The following KLRG1 variants were observed in gnomAD, a reference collection of about 807,000 sequenced individuals.
KLRG1 encodes the protein killer cell lectin like receptor G1.
A neutral mutation model predicts 21.8 loss-of-function variants in KLRG1; 16 were observed. The observed-to-expected ratio is 0.73, with a 90% CI of 0.50 to 1.11. The LOEUF is 1.11. KLRG1 is among the 50% of genes most tolerant of loss of function. The pLI, the probability that KLRG1 is intolerant of heterozygous loss-of-function variation, is 0.00. For synonymous variants in KLRG1, 69 were observed against 75.9 expected (o/e 0.91, Z 0.47); for missense variants, 173 against 218.3 (o/e 0.79, Z 1.31).
chr12:9,169,357 T>C, the KLRG1 span: 1 of 1,353,010 alleles, frequency 7.4e-7, no homozygotes, highest in South Asian at 1.5e-5. Context: ...ACTAAGATTA[T>C]GAATAGATAC....
chr12:9,107,918 A>C, the KLRG1 span, among the ~76,000 whole-genome samples: 1 of 151,656 alleles, frequency 6.6e-6, no homozygotes, highest in African/African-American at 2.4e-5. Context: ...TTATTATAAA[A>C]CTTAAACCCG....
the KLRG1 span, among the ~76,000 whole-genome samples, chr12:9,111,074 A>T: frequency 6.6e-6 from 1 of 152,188 alleles, no homozygotes; most frequent in Non-Finnish European, 1.5e-5. Flanking sequence ...ATGAGGAGGA[A>T]TGGACATATT....
chr12:9,120,042 C>T, the KLRG1 span, among the ~76,000 whole-genome samples: 1 of 152,166 alleles, frequency 6.6e-6, no homozygotes, highest in Non-Finnish European at 1.5e-5. Flanking sequence ...TCTGTGGTCT[C>T]ACCTTAATGG....
chr12:9,015,352 C>G (rs1947685047), downstream of KLRG1, among the ~76,000 whole-genome samples: 1 of 152,056 alleles, frequency 6.6e-6, no homozygotes, highest in Non-Finnish European at 1.5e-5. Context: ...AAGAGCAGGA[C>G]TGGCTCTATT....
At chr12:8,958,038 A>G (rs1053847352) in intron 1 of KLRG1, among the ~76,000 whole-genome samples, 3 of 152,058 alleles carry the variant, frequency 2.0e-5, no homozygotes, top group African/African-American at 7.2e-5. Flanking sequence ...AAGAAGCCTT[A>G]TAGTTTTATG....
the KLRG1 span, among the ~76,000 whole-genome samples, chr12:9,054,519 C>T: frequency 6.6e-6 from 1 of 151,940 alleles, no homozygotes; most frequent in Non-Finnish European, 1.5e-5. Context: ...GTAATGATCA[C>T]TTATAATTGG....
chr12:9,010,108 C>A lies in KLRG1; in HGVS notation c.*571C>A. 8.5e-7 allele frequency: 1 copy of A among 1,175,148 alleles called. No individual in the cohort carries two copies. Among genetic ancestry groups the A allele is most frequent in the Non-Finnish European group, 1.2e-6 (1 of 823,680 alleles). The allele number at this position is 1,175,148 out of a possible 1,614,324, so 72.8% of individuals were successfully genotyped here. ...AGCTGAGGTGGGAGGGTCGCTTGAG[C>A]CCAGGAGTTTGAGGCTGCAGTGAGC... On this transcript the variant is annotated 3_prime_UTR_variant, in exon 5 of 5. Coordinates refer to ENST00000356986, the MANE Select transcript of KLRG1 (RefSeq NM_005810.4).
At chr12:9,065,634 G>C in the KLRG1 span, among the ~76,000 whole-genome samples, 1 of 152,220 alleles carries the variant, frequency 6.6e-6, no homozygotes. Context: ...AACAGCCTGG[G>C]AGCAGGAGGC....
At chr12:9,110,062 A>T in the KLRG1 span, 1 of 1,587,124 alleles carries the variant, frequency 6.3e-7, no homozygotes, top group Non-Finnish European at 8.6e-7. Flanking sequence ...ATTATAACTT[A>T]CAAAAGCACC....
chr12:8,997,305 C>A (rs913833975), intron 3 of KLRG1, among the ~76,000 whole-genome samples: 2 of 152,122 alleles, frequency 1.3e-5, no homozygotes, highest in African/African-American at 2.4e-5. Context: ...TTACTTGATT[C>A]TCTGGTTTAA....
At chr12:9,022,520 G>T in the KLRG1 span, among the ~76,000 whole-genome samples, 6 of 152,136 alleles carry the variant, frequency 3.9e-5, no homozygotes, top group East Asian at 1.9e-4. Context: ...CTCCGGAGTG[G>T]TAAGAGTGTC....
chr12:9,109,247 G>T, the KLRG1 span: 2 of 1,203,128 alleles, frequency 1.7e-6, no homozygotes, highest in East Asian at 4.9e-5. Context: ...CCCGGAGAGA[G>T]TAGTTAAAAT....
chr12:9,109,271 A>G, the KLRG1 span: 1 of 1,435,684 alleles, frequency 7.0e-7, no homozygotes, highest in South Asian at 1.2e-5. Flanking sequence ...CCAAATGGTG[A>G]GTCTCTTTTA....
chr12:9,131,379 C>G, the KLRG1 span, among the ~76,000 whole-genome samples: 1 of 152,068 alleles, frequency 6.6e-6, no homozygotes, highest in Non-Finnish European at 1.5e-5. Flanking sequence ...GACAGCTTTC[C>G]ATGTTAGTAT....
chr12:9,117,550 C>T, the KLRG1 span, among the ~76,000 whole-genome samples: 6,174 of 152,034 alleles, frequency 0.041, 208 homozygotes, highest in East Asian at 0.19. Context: ...AATTGTGTTG[C>T]CTTTAGCTGG....
At chr12:9,208,069 A>C in the KLRG1 span, among the ~76,000 whole-genome samples, 2 of 152,182 alleles carry the variant, frequency 1.3e-5, no homozygotes, top group South Asian at 2.1e-4. Flanking sequence ...TGATTGGCCC[A>C]GTGTAGAAAA....
chr12:8,968,716 C>A (rs1242647467), intron 1 of KLRG1, among the ~76,000 whole-genome samples: 1 of 152,094 alleles, frequency 6.6e-6, no homozygotes, highest in Non-Finnish European at 1.5e-5. Context: ...GGCCATAAAA[C>A]AAGTTTTAAT....
chr12:8,984,354 C>T (rs903917505), intron 1 of KLRG1, among the ~76,000 whole-genome samples: 19 of 152,056 alleles, frequency 1.2e-4, no homozygotes, highest in African/African-American at 3.1e-4. Flanking sequence ...AGGCATGTGC[C>T]GCCAGGCCAG....
the KLRG1 span, chr12:9,150,696 T>A: frequency 6.2e-7 from 1 of 1,613,304 alleles, no homozygotes; most frequent in Non-Finnish European, 8.5e-7. Flanking sequence ...AGTCTCCTAC[T>A]GGGATGTCTT....
Sources: gnomAD v4.1 joint callset for allele counts (sites outside exome capture counted in the v4.1 genomes callset) on GRCh38, gnomAD v4.1.1 for gene constraint, MANE v1.5 for transcripts, NCBI Gene and HGNC (gene_info 2026-07-23, HGNC 2026-07-21) for gene names.